The following HNRNPU variants were observed in gnomAD, a reference collection of about 807,000 sequenced individuals.
HNRNPU encodes heterogeneous nuclear ribonucleoprotein U.
Under a neutral mutation model 94.7 loss-of-function variants are expected in HNRNPU, and 5 were observed. That is an observed-to-expected ratio of 0.05 (90% CI 0.03 to 0.11). The LOEUF is 0.11. HNRNPU is among the 10% of genes least tolerant of loss of function. HNRNPU has a pLI of 1.00. For missense variants in HNRNPU, 710 were observed against 1,049.2 expected (o/e 0.68, Z 4.47); for synonymous variants, 434 against 381.6 (o/e 1.14, Z -1.60).
Position 244,851,761 on chromosome 1 carries a change from A to G in HNRNPU, c.*2689T>C, listed in dbSNP as rs1441491619. 2 of 152,226 alleles carry G rather than the reference A, an allele frequency of 1.3e-5. No individual in the cohort carries two copies. The highest frequency in any genetic ancestry group is 4.8e-5 in the African/African-American group (2 of 41,454). The allele number at this position is 152,226 out of a possible 1,614,324, so 9.4% of individuals were successfully genotyped here. ...TCGCTCAAGGCCATCAACCGGTCAG[A>G]GCCAGAGCCCTTCAAAGGCTGTATG... On this transcript the variant is annotated 3_prime_UTR_variant, in exon 14 of 14. Coordinates refer to ENST00000640218, the MANE Select transcript of HNRNPU (RefSeq NM_031844.3).
At chr1:244,855,325 G>T in intron 12 of HNRNPU, 99 bp downstream of exon 12, 1 of 1,159,874 alleles carries the variant, frequency 8.6e-7, no homozygotes, top group Non-Finnish European at 1.3e-6. Flanking sequence ...TGCCTATCAT[G>T]TTCCTTACGG....
intron 12 of HNRNPU, 187 bp from the exon 13 acceptor site, chr1:244,855,231 A>C (rs1680646733): frequency 2.8e-6 from 2 of 718,568 alleles, no homozygotes; most frequent in Admixed American, 5.2e-5. Context: ...TGAGAAATGC[A>C]TCTGACTTGT....
chr1:244,860,190 C>T (rs1656936209), intron 4 of HNRNPU, 145 bp downstream of exon 4: 1 of 622,014 alleles, frequency 1.6e-6, no homozygotes, highest in Non-Finnish European at 2.8e-6. Flanking sequence ...GTCCGAGCTA[C>T]TTGAGAGACT....
chr1:244,863,351 TC>T (rs1680899269), intron 1 of HNRNPU, among the ~76,000 whole-genome samples: 1 of 129,658 alleles, frequency 7.7e-6, no homozygotes, highest in South Asian at 2.5e-4. Context: ...CAGCTGCAGC[TC>T]CCCCCGGCTC....
rs1324311288 is a variant in HNRNPU, at chr1:244,854,062, G to GT, written c.*387dup. 1 of 230,926 alleles carries GT rather than the reference G, an allele frequency of 4.3e-6. No individual in the cohort carries two copies. The highest frequency in any genetic ancestry group is 1.5e-4 in the East Asian group (1 of 6,504). The allele number at this position is 230,926 out of a possible 1,614,324, so 14.3% of individuals were successfully genotyped here. On this transcript the variant is annotated 3_prime_UTR_variant, in exon 14 of 14. Coordinates refer to ENST00000640218, the MANE Select transcript of HNRNPU (RefSeq NM_031844.3). ...TGGTTGCTAACATTTCTATTATATT[G>GT]TGACAATGACTCCCGACTGTTATTC...
At position 244,863,212 on chromosome 1, in the gene HNRNPU, C is replaced by T. The variant is rs556056335; in HGVS notation, c.691+405G>A. Reference sequence around the variant, plus strand: ...AGGAGCCGCCAAAGCGCGCCCGCCCCGGGACCTGGGGCCTCTCCCCTCCCC... The same window carrying T: ...AGGAGCCGCCAAAGCGCGCCCGCCCTGGGACCTGGGGCCTCTCCCCTCCCC... On this transcript the variant is annotated intron_variant, in intron 1 of 13. Transcript: ENST00000640218. 1.5e-3 allele frequency: 271 copies of T among 175,046 alleles called. 1 individual carries two copies. The highest frequency in any genetic ancestry group is 3.5e-3 in the Admixed American group (56 of 15,818). 10.8% of individuals were successfully genotyped at this position (175,046 alleles called of 1,614,324 possible). A position where few individuals can be genotyped will look rare whatever the true frequency, so the allele number is the denominator to read the frequency against.
In HNRNPU at chr1:244,856,570, T is replaced by C. The variant is rs1680685931; in HGVS notation, c.1799A>G (p.Gln600Arg). The C allele has an allele frequency of 6.2e-7, 1 of 1,614,012 alleles. No homozygotes were observed. Among genetic ancestry groups the C allele is most frequent in the African/African-American group, 1.3e-5 (1 of 74,940 alleles). The part of the protein sequence containing the change: ...RRKMCLFAGF[Q>R]RKAVVVCPKD... ...TGGGCAAACTACAACAGCTTTTCGCTGGAAGCCTGCAAACAGGCACATTTT... is the reference window on the plus strand; with the variant it reads ...TGGGCAAACTACAACAGCTTTTCGCCGGAAGCCTGCAAACAGGCACATTTT... Residue 600 changes from glutamine to arginine, a missense_variant, in exon 10 of 14, where the codon CAG becomes CGG. By Grantham distance (43) the Gln-to-Arg change is conservative. This residue lies in a region of HNRNPU where 31 missense variants were observed against 132.4 expected (regional missense o/e 0.23). Transcript: ENST00000640218.
intron 4 of HNRNPU, 200 bp from the exon 5 acceptor site, chr1:244,859,574 T>G (rs1680773116): frequency 2.6e-6 from 1 of 384,850 alleles, no homozygotes; most frequent in South Asian, 9.3e-5. Flanking sequence ...AAATACTTAT[T>G]TGACCCATAT....
rs918323118 is a variant in HNRNPU, at chr1:244,864,432, G to C, written c.-125C>G. 4 of 1,507,874 alleles carry C rather than the reference G, an allele frequency of 2.7e-6. No homozygotes were observed. Among genetic ancestry groups the C allele is most frequent in the African/African-American group, 1.4e-5 (1 of 70,838 alleles). The allele number at this position is 1,507,874 out of a possible 1,614,324, so 93.4% of individuals were successfully genotyped here. A position where few individuals can be genotyped will look rare whatever the true frequency, so the allele number is the denominator to read the frequency against. On this transcript the variant is annotated 5_prime_UTR_variant, in exon 1 of 14. Transcript: ENST00000640218. ...CGGCTGCGGCTGCGGCTGGAGATGG[G>C]TTCGTGCTGCAGAGCGGATCCGCCT...
At chr1:244,859,146 A>G (rs1573332808) in intron 5 of HNRNPU, 129 bp downstream of exon 5, 4 of 605,216 alleles carry the variant, frequency 6.6e-6, no homozygotes, top group East Asian at 5.5e-5. Context: ...TGCTAATATT[A>G]CCTGTCTGAA....
intron 7 of HNRNPU, 75 bp from the exon 8 acceptor site, chr1:244,857,792 C>A (rs114369147): frequency 2.6e-6 from 4 of 1,518,514 alleles, no homozygotes; most frequent in South Asian, 1.2e-5. Flanking sequence ...TTGTTAAGGC[C>A]AATTTAAATA....
intron 3 of HNRNPU, chr1:244,862,111 CA>C: frequency 5.1e-6 from 1 of 196,248 alleles, no homozygotes; most frequent in Non-Finnish European, 1.0e-5. Context: ...TATAATTCCA[CA>C]AAAAAATGAA....
intron 13 of HNRNPU, 120 bp from the exon 14 acceptor site, chr1:244,854,623 T>C (rs2102984424): frequency 4.3e-6 from 3 of 703,894 alleles, no homozygotes; most frequent in Non-Finnish European, 7.6e-6. Context: ...ATACCTGTCA[T>C]ACCTCTGATT....
At chr1:244,861,085 C>T (rs1015844968) in intron 3 of HNRNPU, 2 of 152,260 alleles carry the variant, frequency 1.3e-5, no homozygotes, top group African/African-American at 4.8e-5. Flanking sequence ...TTAATTGCTT[C>T]CCGGATTATC....
In HNRNPU at chr1:244,856,866, A is replaced by G. The variant is rs193281914; in HGVS notation, c.1615-10T>C. 53 of 1,583,300 alleles carry G rather than the reference A, an allele frequency of 3.3e-5. No homozygotes were observed. The East Asian group carries it at 1.0e-3, about 30-fold the overall frequency. ...TCTTAAAACCTGCCACCTATATTCA[A>G]AAGTTAAAATTTCCCCTTGAACTTG... On this transcript the variant is annotated splice_polypyrimidine_tract_variant and intron_variant, in intron 8 of 13. Coordinates refer to ENST00000640218, the MANE Select transcript of HNRNPU (RefSeq NM_031844.3).
intron 10 of HNRNPU, 128 bp from the exon 11 acceptor site, chr1:244,856,286 A>T: frequency 2.6e-6 from 3 of 1,148,744 alleles, no homozygotes; most frequent in Non-Finnish European, 3.7e-6. Flanking sequence ...ACATATATGC[A>T]TATGTAACAA....
At chr1:244,862,417 AC>A in intron 3 of HNRNPU, 43 bp downstream of exon 3, 1 of 1,149,372 alleles carries the variant, frequency 8.7e-7, no homozygotes, top group Non-Finnish European at 1.2e-6. Flanking sequence ...AAAAAAAACC[AC>A]CATCACCGCA....
intron 12 of HNRNPU, 50 bp from the exon 13 acceptor site, chr1:244,855,094 G>T: frequency 7.1e-7 from 1 of 1,416,458 alleles, no homozygotes; most frequent in African/African-American, 1.4e-5. Context: ...TTGCTTGTTA[G>T]GTTTGTGGGG....
intron 3 of HNRNPU, chr1:244,860,911 T>C (rs1680807841): frequency 5.7e-6 from 1 of 175,480 alleles, no homozygotes; most frequent in African/African-American, 2.4e-5. Flanking sequence ...GAGTATGAGC[T>C]GCTGTTGATC....
Sources: allele counts gnomAD v4.1 joint callset (sites outside exome capture counted in the v4.1 genomes callset), GRCh38; gene constraint gnomAD v4.1.1; regional missense constraint gnomAD v4.1.1; transcripts MANE v1.5; gene names NCBI Gene and HGNC (gene_info 2026-07-23, HGNC 2026-07-21).